The following GPC6 variants were observed in gnomAD, a reference collection of about 807,000 sequenced individuals.
GPC6 encodes glypican-6.
GPC6 carries 14 observed loss-of-function variants against 55.2 expected under a neutral mutation model. The ratio of observed to expected loss-of-function variants is 0.25; its 90% confidence interval spans 0.17 to 0.40. The LOEUF (loss-of-function observed/expected upper bound fraction) is 0.40, where lower values mean the gene tolerates loss of function less well. GPC6 is among the 10% of genes least tolerant of loss of function. The pLI is 1.00. For missense variants in GPC6, 641 were observed against 708.5 expected (o/e 0.90, Z 1.08); for synonymous variants, 278 against 259.6 (o/e 1.07, Z -0.68).
At chr13:94,102,941 G>T (rs1885919066) in intron 4 of GPC6, among the ~76,000 whole-genome samples, 2 of 152,200 alleles carry the variant, frequency 1.3e-5, no homozygotes, top group African/African-American at 4.8e-5. Context: ...CAACGTGCAG[G>T]TTTGTTACAT....
At chr13:93,555,865 G>A (rs932393339) in intron 2 of GPC6, among the ~76,000 whole-genome samples, 6 of 152,116 alleles carry the variant, frequency 3.9e-5, no homozygotes, top group African/African-American at 7.2e-5. Context: ...GTTCTGAAGC[G>A]AGTGTTCTCT....
At chr13:93,789,633 A>ATATATATAATAC in intron 2 of GPC6, among the ~76,000 whole-genome samples, 1 of 92,386 alleles carries the variant, frequency 1.1e-5, no homozygotes, top group Non-Finnish European at 2.2e-5. Context: ...ATATATATAT[A>ATATATATAATAC]TATATATATA....
At position 93,957,902 on chromosome 13, in the gene GPC6, C is replaced by T. The variant is rs1395562026; in HGVS notation, c.712-69827C>T. On this transcript the variant is annotated intron_variant, in intron 3 of 8. Transcript: ENST00000377047. ...TTATATTTGAGTTTTTAATAATAGCCATTTTGACCAGTGTGGGATGGCATC... is the reference window on the plus strand; with the variant it reads ...TTATATTTGAGTTTTTAATAATAGCTATTTTGACCAGTGTGGGATGGCATC... Among the ~76,000 whole-genome samples, 12 of 152,214 alleles carry T rather than the reference C, an allele frequency of 7.9e-5. No homozygotes were observed. In the East Asian group the frequency reaches 1.9e-3, roughly 25 times the overall value.
chr13:93,511,835 T>A (rs1880989848), intron 1 of GPC6, among the ~76,000 whole-genome samples: 1 of 152,034 alleles, frequency 6.6e-6, no homozygotes, highest in Non-Finnish European at 1.5e-5. Flanking sequence ...TTGTGTTTTT[T>A]CAATTTCTTT....
At chr13:93,318,625 A>G (rs78896815) in intron 1 of GPC6, among the ~76,000 whole-genome samples, 3,900 of 152,212 alleles carry the variant, frequency 0.026, 150 homozygotes, top group African/African-American at 0.078. Flanking sequence ...TATGGATAAT[A>G]TAAATTAGAA....
intron 6 of GPC6, among the ~76,000 whole-genome samples, chr13:94,370,749 T>C (rs560793457): frequency 6.6e-6 from 1 of 152,210 alleles, no homozygotes; most frequent in Non-Finnish European, 1.5e-5. Context: ...ATATTCCGAA[T>C]GATAAACAAC....
chr13:93,506,086 C>A (rs1880702880), intron 1 of GPC6, among the ~76,000 whole-genome samples: 1 of 152,116 alleles, frequency 6.6e-6, no homozygotes, highest in African/African-American at 2.4e-5. Flanking sequence ...TGCTGTAAGC[C>A]ATTTCTTCAG....
intron 6 of GPC6, among the ~76,000 whole-genome samples, chr13:94,347,599 G>A (rs1878354555): frequency 6.6e-6 from 1 of 152,266 alleles, no homozygotes; most frequent in East Asian, 1.9e-4. Context: ...AAATTGATTT[G>A]ACATAATGTA....
intron 2 of GPC6, chr13:93,818,722 A>T (rs1405534012): frequency 6.6e-6 from 1 of 152,200 alleles, no homozygotes; most frequent in Non-Finnish European, 1.5e-5. Context: ...TGTTCCTCAC[A>T]TACTGTTGAT....
intron 4 of GPC6, among the ~76,000 whole-genome samples, chr13:94,043,195 C>T (rs1360131833): frequency 6.6e-6 from 1 of 151,690 alleles, no homozygotes; most frequent in Non-Finnish European, 1.5e-5. Context: ...AGCACTAGTT[C>T]CTTTATTGGA....
At chr13:94,331,187 C>T (rs780943213) in intron 6 of GPC6, among the ~76,000 whole-genome samples, 15 of 152,120 alleles carry the variant, frequency 9.9e-5, no homozygotes, top group Admixed American at 8.5e-4. Context: ...CAAACTATGA[C>T]CTACGGGCCG....
At chr13:93,237,313 TGA>T (rs1876270070) in intron 1 of GPC6, among the ~76,000 whole-genome samples, 1 of 150,724 alleles carries the variant, frequency 6.6e-6, no homozygotes, top group Non-Finnish European at 1.5e-5. Flanking sequence ...TTCATTTCCA[TGA>T]TAATTAGTAA....
chr13:93,588,373 TG>T (rs1302365870), intron 2 of GPC6, among the ~76,000 whole-genome samples: 535 of 6,480 alleles, frequency 0.083, 6 homozygotes, highest in Middle Eastern at 0.17. Context: ...ATTAAGTGTG[TG>T]TGTGTGTGTG....
intron 2 of GPC6, among the ~76,000 whole-genome samples, chr13:93,613,274 G>A (rs991176708): frequency 5.9e-5 from 9 of 152,052 alleles, no homozygotes; most frequent in Non-Finnish European, 7.4e-5. Flanking sequence ...ATAATAATCA[G>A]ATTTTGTAAT....
intron 2 of GPC6, among the ~76,000 whole-genome samples, chr13:93,605,293 G>C (rs1566446201): frequency 6.6e-6 from 1 of 152,150 alleles, no homozygotes; most frequent in Non-Finnish European, 1.5e-5. Context: ...GAGTAGATAA[G>C]TAAGTTACTG....
In GPC6 at chr13:93,680,978, A is replaced by G. The variant is rs533623022; in HGVS notation, c.319+135557A>G. Among the ~76,000 whole-genome samples the G allele has an allele frequency of 2.0e-5, 3 of 152,274 alleles. No homozygotes were observed. The South Asian group carries it at 6.2e-4, about 32-fold the overall frequency. ...AAGTGACTGGGAAGCAGTTTCAAGA[A>G]TACAGGTAAGAAATAATGAGGTTTT... On this transcript the variant is annotated intron_variant, in intron 2 of 8. Transcript: ENST00000377047.
intron 4 of GPC6, among the ~76,000 whole-genome samples, chr13:94,270,964 ATTTTTTTTTTTTTTTTTTT>A (rs764819082): frequency 2.8e-4 from 14 of 49,578 alleles, no homozygotes; most frequent in Admixed American, 2.3e-3. Context: ...GAGAAGTATA[ATTTTTTTTTTTTTTTTTTT>A]TTTTTTTTTT....
intron 2 of GPC6, among the ~76,000 whole-genome samples, chr13:93,551,479 C>G (rs976227869): frequency 6.6e-6 from 1 of 152,102 alleles, no homozygotes; most frequent in Non-Finnish European, 1.5e-5. Context: ...GTAGGTTATT[C>G]TTTTGAAAGC....
intron 2 of GPC6, among the ~76,000 whole-genome samples, chr13:93,629,321 T>C (rs1457881953): frequency 3.3e-5 from 5 of 152,108 alleles, no homozygotes; most frequent in African/African-American, 1.2e-4. Flanking sequence ...CTGTTATATC[T>C]AGTAGAAAAA....
Sources: allele counts gnomAD v4.1 joint callset (sites outside exome capture counted in the v4.1 genomes callset), GRCh38; gene constraint gnomAD v4.1.1; transcripts MANE v1.5; gene names NCBI Gene and HGNC (gene_info 2026-07-23, HGNC 2026-07-21).